Variants in MPRIP observed in about 807,000 individuals in gnomAD.
The protein encoded by MPRIP is myosin phosphatase Rho interacting protein, also known as myosin phosphatase Rho-interacting protein.
MPRIP carries 59 observed loss-of-function variants against 234.9 expected under a neutral mutation model. That is an observed-to-expected ratio of 0.25 (90% CI 0.20 to 0.31). The LOEUF is 0.31. Among genes scored for constraint, MPRIP ranks in the 10% least tolerant of loss-of-function variants. The probability of loss-of-function intolerance (pLI) is 1.00; values close to 1 mark genes in which losing one functional copy is unlikely to be tolerated. For synonymous variants in MPRIP, 1,144 were observed against 1,263.9 expected (o/e 0.91, Z 2.01); for missense variants, 2,436 against 3,071.0 (o/e 0.79, Z 4.89).
intron 3 of MPRIP, among the ~76,000 whole-genome samples, chr17:17,081,474 A>C (rs2089461264): frequency 1.3e-5 from 2 of 152,238 alleles, no homozygotes. Flanking sequence ...GGAGATTAGC[A>C]ATGTAGTGAC....
At chr17:17,045,152 C>G (rs188289129) in intron 1 of MPRIP, among the ~76,000 whole-genome samples, 1 of 152,270 alleles carries the variant, frequency 6.6e-6, no homozygotes, top group East Asian at 1.9e-4. Flanking sequence ...TATTTTAGAC[C>G]GTCAAAGCTG....
intron 1 of MPRIP, among the ~76,000 whole-genome samples, chr17:17,049,341 T>C (rs1385631079): frequency 6.6e-6 from 1 of 152,242 alleles, no homozygotes; most frequent in Non-Finnish European, 1.5e-5. Flanking sequence ...TGACTTATGA[T>C]GGGACTTATG....
At chr17:17,116,261 G>A (rs1435492288) in intron 3 of MPRIP, among the ~76,000 whole-genome samples, 1 of 152,172 alleles carries the variant, frequency 6.6e-6, no homozygotes, top group East Asian at 1.9e-4. Flanking sequence ...CTGCACAGGG[G>A]CTCCCTTCAG....
chr17:17,095,456 T>G (rs2089817739), intron 3 of MPRIP, among the ~76,000 whole-genome samples: 4 of 152,190 alleles, frequency 2.6e-5, no homozygotes. Flanking sequence ...AATGACAGTT[T>G]TAGGAGGTCT....
rs9899423 is a variant in MPRIP, at chr17:17,067,518, A to G, written c.124-8192A>G. On this transcript the variant is annotated intron_variant, in intron 1 of 23. Transcript: ENST00000651222. ...GCAAGATTTCATCACACTACTCAGA[A>G]TGGCATGCAGTTTAAAACCTGTAAA... Among the ~76,000 whole-genome samples the G allele has an allele frequency of 4.7e-3, 711 of 152,336 alleles. 2 individuals are homozygous for G. The highest frequency in any genetic ancestry group is 0.016 in the African/African-American group (679 of 41,566).
chr17:17,136,143 A>G (rs1567739546), intron 5 of MPRIP, 76 bp from the exon 6 acceptor site: 3 of 1,540,960 alleles, frequency 1.9e-6, no homozygotes, highest in Non-Finnish European at 2.7e-6. Flanking sequence ...CCCTATAGCT[A>G]GGCAGCCAGG....
chr17:17,126,568 G>A, intron 3 of MPRIP, 134 bp from the exon 4 acceptor site: 1 of 1,017,910 alleles, frequency 9.8e-7, no homozygotes, highest in Non-Finnish European at 1.4e-6. Flanking sequence ...AAAGGAAGAG[G>A]AGCTGGGGCT....
intron 3 of MPRIP, among the ~76,000 whole-genome samples, chr17:17,096,371 G>T (rs1055110054): frequency 3.4e-5 from 5 of 147,714 alleles, no homozygotes; most frequent in Non-Finnish European, 6.0e-5. Flanking sequence ...GCCTGCCAGG[G>T]GACCTGTGTG....
In MPRIP at chr17:17,043,116, A is replaced by G; in HGVS notation, c.123+145A>G. The G allele has an allele frequency of 5.2e-6, 4 of 773,616 alleles. No homozygotes were observed. The South Asian group carries it at 6.4e-5, about 12-fold the overall frequency. 47.9% of individuals were successfully genotyped at this position (773,616 alleles called of 1,614,324 possible). The stretch of plus-strand genomic sequence containing the variant: ...GCATGGGGACGGGGACGGGAAGTGC[A>G]TTGACAGAGCTGGGACAAAGGGAAA... On this transcript the variant is annotated intron_variant, in intron 1 of 23. Coordinates refer to ENST00000651222, the MANE Select transcript of MPRIP (RefSeq NM_001364716.4).
chr17:17,117,370 T>C (rs1439039016), intron 3 of MPRIP, among the ~76,000 whole-genome samples: 1 of 152,090 alleles, frequency 6.6e-6, no homozygotes, highest in Non-Finnish European at 1.5e-5. Flanking sequence ...CACTTCTCAT[T>C]CCCCTCCCCT....
At chr17:17,108,594 A>G (rs1018833552) in intron 3 of MPRIP, among the ~76,000 whole-genome samples, 3 of 152,196 alleles carry the variant, frequency 2.0e-5, no homozygotes, top group Admixed American at 1.3e-4. Flanking sequence ...TTTAAGCTCT[A>G]AAACCTTCCA....
intron 1 of MPRIP, among the ~76,000 whole-genome samples, chr17:17,065,779 C>T (rs2143963182): frequency 6.6e-6 from 1 of 152,290 alleles, no homozygotes; most frequent in African/African-American, 2.4e-5. Flanking sequence ...TAGAATCTTG[C>T]AGTCCACGAA....
At chr17:17,071,294 G>C (rs1419566017) in intron 1 of MPRIP, among the ~76,000 whole-genome samples, 1 of 152,128 alleles carries the variant, frequency 6.6e-6, no homozygotes, top group Non-Finnish European at 1.5e-5. Flanking sequence ...TGGTTCTTCA[G>C]CTATGGAAAG....
At chr17:17,144,798 G>A (rs555763100) in intron 9 of MPRIP, among the ~76,000 whole-genome samples, 5 of 152,334 alleles carry the variant, frequency 3.3e-5, no homozygotes, top group Admixed American at 3.3e-4. Context: ...GGAGGTTGCA[G>A]TGAGCTGAGA....
intron 2 of MPRIP, 196 bp from the exon 3 acceptor site, chr17:17,077,815 C>A: frequency 1.8e-6 from 1 of 566,362 alleles, no homozygotes; most frequent in Non-Finnish European, 3.2e-6. Flanking sequence ...TTGGGCCTGT[C>A]TCCCAGCCCA....
intron 3 of MPRIP, among the ~76,000 whole-genome samples, chr17:17,107,649 CCCCTGCTAGAGAGCAATCCCTA>C (rs1339346270): frequency 1.3e-5 from 2 of 152,226 alleles, no homozygotes; most frequent in Non-Finnish European, 1.5e-5. Flanking sequence ...TCCTGCACAT[CCCCTGCTAGAGAGCAATCCCTA>C]CCCTCCTTTG....
At chr17:17,056,047 A>T (rs907452576) in intron 1 of MPRIP, among the ~76,000 whole-genome samples, 4 of 152,184 alleles carry the variant, frequency 2.6e-5, no homozygotes, top group African/African-American at 9.7e-5. Context: ...ACATGACTCG[A>T]GAGGACTGAG....
chr17:17,185,278 A>G lies in MPRIP; in HGVS notation c.*384A>G. On this transcript the variant is annotated 3_prime_UTR_variant, in exon 24 of 24. Coordinates refer to ENST00000651222, the MANE Select transcript of MPRIP (RefSeq NM_001364716.4). ...GGTGTGGAAACGGGGCCCAGCCAGC[A>G]CGCCTCAAGGTAGATGGAATCCCCA... The G allele has an allele frequency of 2.9e-6, 1 of 341,464 alleles. No homozygotes were observed. The highest frequency in any genetic ancestry group is 5.8e-6 in the Non-Finnish European group (1 of 172,904). 21.2% of individuals were successfully genotyped at this position (341,464 alleles called of 1,614,324 possible).
At chr17:17,158,373 C>A in intron 13 of MPRIP, 59 bp from the exon 14 acceptor site, 1 of 1,432,760 alleles carries the variant, frequency 7.0e-7, no homozygotes, top group Non-Finnish European at 9.4e-7. Context: ...CCAGCTTCTG[C>A]CTGGCAGGCC....
Sources: gnomAD v4.1 joint callset for allele counts (sites outside exome capture counted in the v4.1 genomes callset) on GRCh38, gnomAD v4.1.1 for gene constraint, MANE v1.5 for transcripts, NCBI Gene and HGNC (gene_info 2026-07-23, HGNC 2026-07-21) for gene names.